FAM217A: variants seen among roughly 807,000 people sequenced by gnomAD.
FAM217A encodes family with sequence similarity 217 member A.
A neutral mutation model predicts 18.5 loss-of-function variants in FAM217A; 13 were observed. That is an observed-to-expected ratio of 0.70 (90% CI 0.46 to 1.12). The LOEUF (loss-of-function observed/expected upper bound fraction) is 1.12. FAM217A is among the 50% of genes most tolerant of loss of function. The probability of loss-of-function intolerance (pLI) is 0.00; values close to 1 mark genes in which losing one functional copy is unlikely to be tolerated. For missense variants in FAM217A, 560 were observed against 575.4 expected (o/e 0.97, Z 0.27); for synonymous variants, 161 against 202.8 (o/e 0.79, Z 1.75).
At chr6:4,086,159 A>G (rs1770643266) in intron 1 of FAM217A, among the ~76,000 whole-genome samples, 1 of 151,422 alleles carries the variant, frequency 6.6e-6, no homozygotes, top group Admixed American at 6.6e-5. Flanking sequence ...AAGAGAAAAG[A>G]AAGAAAGCTA....
At chr6:4,074,738 G>A in intron 2 of FAM217A, 77 bp from the exon 3 acceptor site, 1 of 1,102,408 alleles carries the variant, frequency 9.1e-7, no homozygotes, top group Non-Finnish European at 1.4e-6. Flanking sequence ...ATGTTCTTGG[G>A]GTAAAGTATG....
chr6:4,079,463 C>T, upstream of FAM217A: 1 of 394,912 alleles, frequency 2.5e-6, no homozygotes, highest in South Asian at 2.1e-5. Flanking sequence ...TCGGACTTTC[C>T]CCCAGGCGTC....
chr6:4,084,902 T>C, intron 1 of FAM217A: 1 of 647,366 alleles, frequency 1.5e-6, no homozygotes, highest in Non-Finnish European at 2.8e-6. Context: ...ATGCAGCTGC[T>C]GCGCTGCGGG....
upstream of FAM217A, chr6:4,079,649 G>A (rs1460342061): frequency 2.6e-6 from 3 of 1,136,156 alleles, no homozygotes; most frequent in South Asian, 2.6e-5. Flanking sequence ...CATTCCCACC[G>A]CCTGCTCACA....
chr6:4,076,874 AAAAC>A lies in FAM217A; in HGVS notation c.60+477_60+480del, dbSNP rs533241063. On this transcript the variant is annotated intron_variant, in intron 2 of 6. Transcript: ENST00000274673. ...CAGAGGAAGACTAAGTCTCGTCTCC[AAAAC>A]AAACAAACAAAAAACACCAAAACAA... Among the ~76,000 whole-genome samples, 110 of 152,356 alleles carry A rather than the reference AAAAC, an allele frequency of 7.2e-4. 1 individual carries two copies. In the Middle Eastern group the frequency reaches 0.01, roughly 14 times the overall value.
In FAM217A at chr6:4,069,239, T is replaced by C. The variant is rs776234507; in HGVS notation, c.984A>G (p.Pro328=). 3 of 1,614,064 alleles carry C rather than the reference T, an allele frequency of 1.9e-6. No individual in the cohort carries two copies. The highest frequency in any genetic ancestry group is 2.5e-6 in the Non-Finnish European group (3 of 1,180,036). ...CGCAAAGTTTTGGCTGTCTCACTTTTGGTGTAGCTTTGGAGGAAGAGGGTC... is the reference window on the plus strand; with the variant it reads ...CGCAAAGTTTTGGCTGTCTCACTTTCGGTGTAGCTTTGGAGGAAGAGGGTC... ...TERPSSSKAT[P]KVRQPKLCDS... is the part of the protein sequence containing the mutation. The change falls in exon 7 of 7, where the codon CCA becomes CCG. Residue 328 remains proline (P), a synonymous_variant. Transcript: ENST00000274673.
At chr6:4,079,789 A>T (rs888498928), upstream of FAM217A, 1 of 546,364 alleles carries the variant, frequency 1.8e-6, no homozygotes, top group African/African-American at 2.1e-5. Flanking sequence ...CCTTGTTGAC[A>T]CCAAGCTCAT....
Position 4,069,889 on chromosome 6 carries a change from A to G in FAM217A, c.334T>C (p.Phe112Leu), listed in dbSNP as rs937018757. 2.5e-6 allele frequency: 4 copies of G among 1,585,274 alleles called. No homozygotes were observed. The African/African-American group carries it at 5.4e-5, about 21-fold the overall frequency. ...EFKKSSVETG[F>L]NVINHPIRVF... is the part of the protein sequence containing the mutation. ...CTTATAGGATGATTGATTACATTAA[A>G]GCCAGTTTCCACTGAAGATTTTTTG... The change falls in exon 7 of 7, where the codon TTT becomes CTT. Residue 112 changes from phenylalanine to leucine, a missense_variant. Physicochemically the swap from Phe to Leu is conservative, Grantham distance 22. Coordinates refer to ENST00000274673, the MANE Select transcript of FAM217A (RefSeq NM_173563.3).
chr6:4,085,309 AAAAT>A (rs966743516), intron 1 of FAM217A, among the ~76,000 whole-genome samples: 1 of 114,382 alleles, frequency 8.7e-6, no homozygotes, highest in Non-Finnish European at 1.8e-5. Context: ...ATTGTAAAAA[AAAAT>A]ATATATATAT....
upstream of FAM217A, chr6:4,079,703 CT>C (rs1408564497): frequency 2.4e-6 from 3 of 1,238,888 alleles, no homozygotes; most frequent in African/African-American, 1.6e-5. Context: ...CCAGACTAAG[CT>C]ACAATATATA....
Position 4,069,020 on chromosome 6 carries a change from C to T in FAM217A, c.1203G>A (p.Lys401=). 6.2e-7 allele frequency: 1 copy of T among 1,613,684 alleles called. No individual in the cohort carries two copies. Among genetic ancestry groups the T allele is most frequent in the Non-Finnish European group, 8.5e-7 (1 of 1,179,916 alleles). ...TPKQLIETYD[K]NPKSSILSPC... ...GACTTAAAATAGAACTTTTGGGATT[C>T]TTATCATAAGTTTCAATCAATTGTT... Residue 401 remains lysine (K), a synonymous_variant, in exon 7 of 7, where the codon AAG becomes AAA. Transcript: ENST00000274673.
chr6:4,077,454 C>G lies in FAM217A; in HGVS notation c.-34-6G>C, dbSNP rs1769900372. On this transcript the variant is annotated splice_polypyrimidine_tract_variant and splice_region_variant and intron_variant, in intron 1 of 6. Coordinates refer to ENST00000274673, the MANE Select transcript of FAM217A (RefSeq NM_173563.3). ...TGCTCTGTTTCCTTAAAATCCTACACAGATTGCGGGATAGGCACATTTATG... is the reference window on the plus strand; with the variant it reads ...TGCTCTGTTTCCTTAAAATCCTACAGAGATTGCGGGATAGGCACATTTATG... 5.0e-6 allele frequency: 8 copies of G among 1,606,070 alleles called. No individual in the cohort carries two copies. Among genetic ancestry groups the G allele is most frequent in the Non-Finnish European group, 6.8e-6 (8 of 1,172,840 alleles).
At chr6:4,073,144 A>G (rs936541542) in intron 6 of FAM217A, 131 bp downstream of exon 6, 2 of 677,174 alleles carry the variant, frequency 3.0e-6, no homozygotes, top group South Asian at 4.7e-5. Context: ...GACTTCTACA[A>G]TTGCCCACTA....
chr6:4,069,276 G>T lies in FAM217A; in HGVS notation c.947C>A (p.Ala316Glu), dbSNP rs764175611. ...GGAGGAAGAGGGTCGTTCAGTAACTGCTGGAGTACAGAAAGTCGTTTGTAG... is the reference window on the plus strand; with the variant it reads ...GGAGGAAGAGGGTCGTTCAGTAACTTCTGGAGTACAGAAAGTCGTTTGTAG... ...PRLQTTFCTPAVTERPSSSKA... is the reference protein window; with the variant it reads ...PRLQTTFCTPEVTERPSSSKA... The change falls in exon 7 of 7, where the codon GCA becomes GAA. Residue 316 changes from alanine to glutamate, a missense_variant. Physicochemically the swap from Ala to Glu is moderately radical, Grantham distance 107. Transcript: ENST00000274673. 4 of 1,614,164 alleles carry T rather than the reference G, an allele frequency of 2.5e-6. No individual in the cohort carries two copies. The highest frequency in any genetic ancestry group is 2.5e-6 in the Non-Finnish European group (3 of 1,180,024).
rs75098201 is a variant in FAM217A, at chr6:4,069,576, A to G, written c.647T>C (p.Leu216Pro). 58 of 1,613,958 alleles carry G rather than the reference A, an allele frequency of 3.6e-5. No homozygotes were observed. Among genetic ancestry groups the G allele is most frequent in the Non-Finnish European group, 4.7e-5 (56 of 1,180,006 alleles). Residue 216 changes from leucine (L) to proline (P), a missense_variant, in exon 7 of 7, where the codon CTC (leucine) becomes CCC (proline). Transcript: ENST00000274673. ...CAGGTCCACCTTTTTAAAATAGCTGAGTAAAGTATCATTTGTCTTCTCATT... is the reference window on the plus strand; with the variant it reads ...CAGGTCCACCTTTTTAAAATAGCTGGGTAAAGTATCATTTGTCTTCTCATT... ...SENEKTNDTL[L>P]SYFKKVDLNL...
At chr6:4,082,650 C>T (rs1770375942), upstream of FAM217A, among the ~76,000 whole-genome samples, 1 of 152,212 alleles carries the variant, frequency 6.6e-6, no homozygotes, top group African/African-American at 2.4e-5. Context: ...TCTAGAGAGA[C>T]AGGCCTTGCT....
chr6:4,077,774 A>C (rs2113877969), intron 1 of FAM217A, among the ~76,000 whole-genome samples: 1 of 152,352 alleles, frequency 6.6e-6, no homozygotes, highest in South Asian at 2.1e-4. Flanking sequence ...TCTGGAACTT[A>C]GAAAACAGGG....
intron 2 of FAM217A, among the ~76,000 whole-genome samples, chr6:4,075,305 G>A (rs981129458): frequency 8.5e-5 from 13 of 152,110 alleles, no homozygotes; most frequent in African/African-American, 2.9e-4. Flanking sequence ...CTGCACTCCA[G>A]CCTGGGCCAC....
At chr6:4,084,195 A>T (rs1291497183) in intron 2 of FAM217A, among the ~76,000 whole-genome samples, 1 of 152,210 alleles carries the variant, frequency 6.6e-6, no homozygotes, top group African/African-American at 2.4e-5. Context: ...AAGTTTTAAA[A>T]ATTAACCTTT....
Sources: allele counts gnomAD v4.1 joint callset (sites outside exome capture counted in the v4.1 genomes callset), GRCh38; gene constraint gnomAD v4.1.1; transcripts MANE v1.5; gene names NCBI Gene and HGNC (gene_info 2026-07-23, HGNC 2026-07-21).